FER1L6: variants seen among roughly 807,000 people sequenced by gnomAD.
FER1L6 encodes fer-1 like family member 6.
FER1L6 carries 177 observed loss-of-function variants against 219.2 expected under a neutral mutation model. The observed-to-expected ratio is 0.81, with a 90% CI of 0.71 to 0.91. FER1L6 has a LOEUF of 0.91. Ranked by LOEUF, FER1L6 falls within the 40% of genes least tolerant of loss-of-function variation. The pLI is 0.00. For missense variants in FER1L6, 2,153 were observed against 2,259.9 expected (o/e 0.95, Z 0.96); for synonymous variants, 768 against 824.3 (o/e 0.93, Z 1.17).
intron 14 of FER1L6, among the ~76,000 whole-genome samples, chr8:124,010,991 C>T (rs1817895669): frequency 6.6e-6 from 1 of 152,208 alleles, no homozygotes; most frequent in South Asian, 2.1e-4. Context: ...TTCTAATCTC[C>T]AAAGGGCAGG....
At chr8:124,056,040 C>T (rs1052442152) in intron 22 of FER1L6, among the ~76,000 whole-genome samples, 3 of 152,156 alleles carry the variant, frequency 2.0e-5, no homozygotes, top group Non-Finnish European at 4.4e-5. Context: ...CCTGCTGCTG[C>T]CTCATAAGGA....
Position 123,991,465 on chromosome 8 carries a change from C to T in FER1L6, c.1519+5289C>T, listed in dbSNP as rs143459205. Among the ~76,000 whole-genome samples the T allele has an allele frequency of 2.9e-3, 438 of 151,756 alleles. 3 individuals carry two copies. The highest frequency in any genetic ancestry group is 1.0e-2 in the South Asian group (48 of 4,806). On this transcript the variant is annotated intron_variant, in intron 12 of 40. Transcript: ENST00000522917. ...CTAGTTTTTTTTTTCTTTTTTGCAGCTATTGTAAAAGGGATTGTGTTCTTG... is the reference window on the plus strand; with the variant it reads ...CTAGTTTTTTTTTTCTTTTTTGCAGTTATTGTAAAAGGGATTGTGTTCTTG...
intron 3 of FER1L6, among the ~76,000 whole-genome samples, chr8:123,965,778 C>A (rs1247236976): frequency 1.3e-5 from 2 of 152,176 alleles, no homozygotes; most frequent in Non-Finnish European, 2.9e-5. Flanking sequence ...TGCACTATAT[C>A]ATTTAATTCT....
In FER1L6 at chr8:123,973,575, A is replaced by T; in HGVS notation, c.526+63A>T. 7 of 1,204,834 alleles carry T rather than the reference A, an allele frequency of 5.8e-6. 1 individual carries two copies. In the South Asian group the frequency reaches 7.3e-5, roughly 12 times the overall value. The allele number at this position is 1,204,834 out of a possible 1,614,324, so 74.6% of individuals were successfully genotyped here. A position where few individuals can be genotyped will look rare whatever the true frequency, so the allele number is the denominator to read the frequency against. On this transcript the variant is annotated intron_variant, in intron 7 of 40. Coordinates refer to ENST00000522917, the MANE Select transcript of FER1L6 (RefSeq NM_001039112.2). Reference sequence around the variant, plus strand: ...TCTTTGGTTTATAGCACCTGGAGTCATCCCATTCATTCACTCACCTGTGTG... The same window carrying T: ...TCTTTGGTTTATAGCACCTGGAGTCTTCCCATTCATTCACTCACCTGTGTG...
Position 124,003,133 on chromosome 8 carries a change from C to T in FER1L6, c.1520-34C>T, listed in dbSNP as rs201809969. 5,044 of 1,594,356 alleles carry T rather than the reference C, an allele frequency of 3.2e-3. 13 individuals are homozygous for T. Among genetic ancestry groups the T allele is most frequent in the Middle Eastern group, 4.5e-3 (27 of 5,998 alleles). On this transcript the variant is annotated intron_variant, in intron 12 of 40. Coordinates refer to ENST00000522917, the MANE Select transcript of FER1L6 (RefSeq NM_001039112.2). ...AGCAGACTGATTCTGATTACCACCA[C>T]CTGACCCCTTTCCCCTTGCTACTGC...
Position 124,045,781 on chromosome 8 carries a change from C to A in FER1L6, c.2604C>A (p.Thr868=). 2 of 1,614,036 alleles carry A rather than the reference C, an allele frequency of 1.2e-6. No homozygotes were observed. Among genetic ancestry groups the A allele is most frequent in the Non-Finnish European group, 1.7e-6 (2 of 1,179,986 alleles). ...HCQTTKIISQ[T]LSPTWNQMLL... ...CCTGCTTCCAGATAATCTCCCAGAC[C>A]CTCTCTCCGACCTGGAACCAGATGC... The change falls in exon 21 of 41, where the codon ACC becomes ACA. Residue 868 remains threonine (T), a synonymous_variant. Coordinates refer to ENST00000522917, the MANE Select transcript of FER1L6 (RefSeq NM_001039112.2).
rs781449856 is a variant in FER1L6, at chr8:124,091,437, C to G, written c.4406C>G (p.Ala1469Gly). 1.4e-5 allele frequency: 23 copies of G among 1,613,668 alleles called. 1 individual carries two copies. The highest frequency in any genetic ancestry group is 1.4e-5 in the Non-Finnish European group (16 of 1,179,770). Reference protein sequence around the residue: ...QSQYEIEGYNAWRDTSKPTEI... With the variant: ...QSQYEIEGYNGWRDTSKPTEI... Reference sequence around the variant, plus strand: ...CCACTTTTCAGAGAAGGATACAATGCCTGGAGAGACACGTCCAAACCCACC... The same window carrying G: ...CCACTTTTCAGAGAAGGATACAATGGCTGGAGAGACACGTCCAAACCCACC... The change falls in exon 34 of 41, where the codon GCC becomes GGC. Residue 1469 changes from alanine (A) to glycine (G), a missense_variant. Transcript: ENST00000522917.
intron 22 of FER1L6, among the ~76,000 whole-genome samples, chr8:124,053,015 T>C (rs986347193): frequency 1.3e-5 from 2 of 152,174 alleles, no homozygotes; most frequent in Admixed American, 1.3e-4. Context: ...ATGGCTGACT[T>C]GGGAAAATGA....
chr8:124,052,120 A>G (rs1271124339), intron 22 of FER1L6, among the ~76,000 whole-genome samples: 2 of 152,234 alleles, frequency 1.3e-5, no homozygotes, highest in East Asian at 3.8e-4. Context: ...TTTGTGTTGC[A>G]CAGTAAAATG....
At chr8:123,985,954 A>C in intron 11 of FER1L6, 114 bp from the exon 12 acceptor site, 1 of 645,620 alleles carries the variant, frequency 1.5e-6, no homozygotes, top group Non-Finnish European at 2.8e-6. Context: ...TTTCAGGCTG[A>C]AACAGAGACC....
At chr8:123,908,513 T>G (rs749984683) in intron 1 of FER1L6, among the ~76,000 whole-genome samples, 20 of 152,274 alleles carry the variant, frequency 1.3e-4, no homozygotes. Context: ...AGCTCAAGTC[T>G]AGATGTGAAA....
chr8:124,112,061 T>C (rs201626607), intron 39 of FER1L6, among the ~76,000 whole-genome samples: 1 of 152,174 alleles, frequency 6.6e-6, no homozygotes, highest in East Asian at 1.9e-4. Flanking sequence ...AATGGAAAAC[T>C]CCTGCCATAC....
In FER1L6 at chr8:123,977,543, G is replaced by T. The variant is rs1005501042; in HGVS notation, c.997G>T (p.Asp333Tyr). ...GGTGTGGGATGAAGGCAGCATGAAT[G>T]ACGTAGCCCTGGCAACCCATTTCAT... ...IQVWDEGSMN[D>Y]VALATHFIDL... is the part of the protein sequence containing the mutation. The change falls in exon 10 of 41, where the codon GAC (aspartate) becomes TAC (tyrosine). Residue 333 changes from aspartate to tyrosine, a missense_variant. Transcript: ENST00000522917. The T allele has an allele frequency of 2.0e-5, 32 of 1,613,988 alleles. No individual in the cohort carries two copies. The highest frequency in any genetic ancestry group is 2.7e-5 in the Non-Finnish European group (32 of 1,180,012).
chr8:123,860,839 T>C (rs1319827717), intron 1 of FER1L6, among the ~76,000 whole-genome samples: 3 of 128,344 alleles, frequency 2.3e-5, no homozygotes, highest in Non-Finnish European at 4.8e-5. Flanking sequence ...TTTGTTTTTT[T>C]CTTGTAAATT....
chr8:124,067,619 C>A (rs944639849), intron 27 of FER1L6, 148 bp from the exon 28 acceptor site: 10 of 694,278 alleles, frequency 1.4e-5, no homozygotes, highest in Non-Finnish European at 2.2e-5. Flanking sequence ...CTTTACAGTG[C>A]GGCTTCATTT....
chr8:124,060,650 G>C lies in FER1L6; in HGVS notation c.3088G>C (p.Val1030Leu). 1 of 1,614,130 alleles carries C rather than the reference G, an allele frequency of 6.2e-7. No individual in the cohort carries two copies. Among genetic ancestry groups the C allele is most frequent in the Non-Finnish European group, 8.5e-7 (1 of 1,179,996 alleles). Residue 1030 changes from valine (V) to leucine (L), a missense_variant, in exon 24 of 41, where the codon GTG becomes CTG. Transcript: ENST00000522917. ...CGGAGGACAAGGTGTGAAGTCCTGC[G>C]TGATCCAGAGCTACAAGAACAACCC... Reference protein sequence around the residue: ...ECGGQGVKSCVIQSYKNNPNF... With the variant: ...ECGGQGVKSCLIQSYKNNPNF...
intron 15 of FER1L6, chr8:124,015,748 T>G (rs1818174361): frequency 6.6e-6 from 1 of 152,158 alleles, no homozygotes; most frequent in South Asian, 2.1e-4. Context: ...GTTAGGGGAT[T>G]ACTTGGGATG....
intron 13 of FER1L6, among the ~76,000 whole-genome samples, chr8:124,007,024 G>C: frequency 6.6e-6 from 1 of 152,126 alleles, no homozygotes; most frequent in East Asian, 1.9e-4. Context: ...AGAGCAGTTT[G>C]GTTTCTAAAC....
chr8:124,065,515 G>A (rs1047256725), intron 26 of FER1L6, among the ~76,000 whole-genome samples: 8 of 152,090 alleles, frequency 5.3e-5, no homozygotes, highest in African/African-American at 1.4e-4. Context: ...CATTTGCACG[G>A]GCTGCTCTCA....
Sources: gnomAD v4.1 joint callset for allele counts (sites outside exome capture counted in the v4.1 genomes callset) on GRCh38, gnomAD v4.1.1 for gene constraint, MANE v1.5 for transcripts, NCBI Gene and HGNC (gene_info 2026-07-23, HGNC 2026-07-21) for gene names.